The following ZNF521 variants were observed in gnomAD, a reference collection of about 807,000 sequenced individuals.
ZNF521 encodes the protein LYST-interacting protein 3.
In ZNF521, 14 loss-of-function variants were observed where a neutral mutation model predicts 105.5. That is an observed-to-expected ratio of 0.13 (90% confidence interval 0.09 to 0.21). The LOEUF (loss-of-function observed/expected upper bound fraction) is 0.21. Among genes scored for constraint, ZNF521 ranks in the 10% least tolerant of loss-of-function variants. The pLI is 1.00. For missense variants in ZNF521, 1,233 were observed against 1,629.7 expected, an observed-to-expected ratio of 0.76 and a Z score of 4.19; for synonymous variants, 635 against 606.0, an observed-to-expected ratio of 1.05 and a Z score of -0.70.
intron 3 of ZNF521, among the ~76,000 whole-genome samples, chr18:25,276,450 T>C (rs753580145): frequency 6.6e-6 from 1 of 152,210 alleles, no homozygotes; most frequent in African/African-American, 2.4e-5. Flanking sequence ...ATTTCCTTCC[T>C]ACACAACAGC....
chr18:25,198,853 G>A (rs1035089301), intron 4 of ZNF521, among the ~76,000 whole-genome samples: 9 of 151,910 alleles, frequency 5.9e-5, no homozygotes, highest in African/African-American at 2.2e-4. Flanking sequence ...ATTAATGGAT[G>A]CTGAAACTAG....
chr18:25,119,527 T>C (rs4493142), intron 5 of ZNF521, among the ~76,000 whole-genome samples: 144,784 of 152,044 alleles, frequency 0.95, 69,048 homozygotes, highest in Middle Eastern at 0.99. Context: ...TCTAGGAAAA[T>C]CTCAAATATT....
intron 3 of ZNF521, among the ~76,000 whole-genome samples, chr18:25,285,456 T>C (rs1910644343): frequency 6.6e-6 from 1 of 152,212 alleles, no homozygotes; most frequent in South Asian, 2.1e-4. Flanking sequence ...TGTTGACAGA[T>C]TGCTCAGTGA....
intron 5 of ZNF521, among the ~76,000 whole-genome samples, chr18:25,173,003 G>T (rs562863020): frequency 2.0e-5 from 3 of 152,312 alleles, no homozygotes; most frequent in Admixed American, 6.5e-5. Flanking sequence ...CGTAACTGAA[G>T]TACGCAAACG....
At chr18:25,273,237 AAAAAAAAAAAAAAAG>A (rs1909796462) in intron 3 of ZNF521, among the ~76,000 whole-genome samples, 1 of 148,590 alleles carries the variant, frequency 6.7e-6, no homozygotes, top group Non-Finnish European at 1.5e-5. Context: ...AAAAAAAAAA[AAAAAAAAAAAAAAAG>A]ACATTTTAAA....
intron 6 of ZNF521, among the ~76,000 whole-genome samples, chr18:25,089,825 G>C (rs556619975): frequency 5.9e-5 from 9 of 152,148 alleles, no homozygotes; most frequent in Middle Eastern, 3.4e-3. Flanking sequence ...TGGAGGCCCT[G>C]CTCCCTATAA....
intron 5 of ZNF521, among the ~76,000 whole-genome samples, chr18:25,109,602 T>G (rs1474024030): frequency 6.6e-6 from 1 of 152,204 alleles, no homozygotes; most frequent in Non-Finnish European, 1.5e-5. Flanking sequence ...TCTGCATCCT[T>G]GACAACATAT....
In ZNF521 at chr18:25,067,266, G is replaced by A. The variant is rs375564205; in HGVS notation, c.3907-4525C>T. ...CATCTAGGTATGATACCTTAATAGC[G>A]AGGTTTCAAAAACACTTTCTTTACT... On this transcript the variant is annotated intron_variant, in intron 7 of 7. Transcript: ENST00000361524. Among the ~76,000 whole-genome samples, 97 of 152,206 alleles carry A rather than the reference G, an allele frequency of 6.4e-4. 1 individual carries two copies. Among genetic ancestry groups the A allele is most frequent in the African/African-American group, 2.2e-3 (93 of 41,518 alleles).
intron 7 of ZNF521, among the ~76,000 whole-genome samples, chr18:25,075,919 A>G (rs1410198945): frequency 1.3e-5 from 2 of 152,252 alleles, no homozygotes; most frequent in African/African-American, 4.8e-5. Flanking sequence ...TGTGTGTCAG[A>G]ACACACATCA....
At chr18:25,294,171 A>C (rs1911191810) in intron 3 of ZNF521, among the ~76,000 whole-genome samples, 3 of 152,242 alleles carry the variant, frequency 2.0e-5, no homozygotes. Flanking sequence ...TCTCTTAAAG[A>C]GGAATTCACA....
intron 5 of ZNF521, among the ~76,000 whole-genome samples, chr18:25,182,384 C>G (rs1381825853): frequency 2.0e-5 from 3 of 152,150 alleles, no homozygotes; most frequent in Non-Finnish European, 4.4e-5. Flanking sequence ...TAGCATAAAG[C>G]AACTGAAGCA....
At chr18:25,269,477 C>G (rs1909495700) in intron 3 of ZNF521, among the ~76,000 whole-genome samples, 1 of 152,184 alleles carries the variant, frequency 6.6e-6, no homozygotes, top group Non-Finnish European at 1.5e-5. Context: ...ACCAAATCAA[C>G]AGAATATACA....
intron 3 of ZNF521, among the ~76,000 whole-genome samples, chr18:25,309,259 G>A (rs1912162336): frequency 1.3e-5 from 2 of 152,182 alleles, no homozygotes; most frequent in East Asian, 1.9e-4. Flanking sequence ...GAGAAGCTCC[G>A]CTTAGGTTTC....
At chr18:25,167,936 T>C (rs572633975) in intron 5 of ZNF521, among the ~76,000 whole-genome samples, 7 of 152,306 alleles carry the variant, frequency 4.6e-5, no homozygotes, top group Admixed American at 4.6e-4. Context: ...AGAAAATATG[T>C]ACAAGGATGA....
At chr18:25,140,713 T>C (rs1051162103) in intron 5 of ZNF521, among the ~76,000 whole-genome samples, 1 of 152,152 alleles carries the variant, frequency 6.6e-6, no homozygotes, top group South Asian at 2.1e-4. Flanking sequence ...CTTTAAGATA[T>C]AGCTCCCAAC....
chr18:25,348,246 T>C (rs1304135456), intron 2 of ZNF521, among the ~76,000 whole-genome samples: 1 of 152,170 alleles, frequency 6.6e-6, no homozygotes, highest in Non-Finnish European at 1.5e-5. Flanking sequence ...ACCTTCTGAA[T>C]GATATAATGG....
At position 25,071,376 on chromosome 18, in the gene ZNF521, T is replaced by C. The variant is rs182672298; in HGVS notation, c.3907-8635A>G. 2.9e-3 allele frequency among the ~76,000 whole-genome samples: 440 copies of C among 152,310 alleles called. 1 individual carries two copies. Among genetic ancestry groups the C allele is most frequent in the Non-Finnish European group, 4.5e-3 (308 of 68,014 alleles). On this transcript the variant is annotated intron_variant, in intron 7 of 7. Coordinates refer to ENST00000361524, the MANE Select transcript of ZNF521 (RefSeq NM_015461.3). ...ACTTATCAAGACCATCCATATACCATTGATGAACAAAGATGGTACGTTTTA... is the reference window on the plus strand; with the variant it reads ...ACTTATCAAGACCATCCATATACCACTGATGAACAAAGATGGTACGTTTTA...
At chr18:25,193,287 A>G (rs115807944) in intron 5 of ZNF521, among the ~76,000 whole-genome samples, 111 of 152,284 alleles carry the variant, frequency 7.3e-4, no homozygotes, top group Middle Eastern at 6.8e-3. Flanking sequence ...TGAACATTCA[A>G]TTGAAATTCT....
intron 5 of ZNF521, among the ~76,000 whole-genome samples, chr18:25,124,381 C>G (rs2034499634): frequency 6.6e-6 from 1 of 152,072 alleles, no homozygotes; most frequent in Non-Finnish European, 1.5e-5. Flanking sequence ...GCCACTGGGT[C>G]CTGCTTCAGA....
Sources: allele counts gnomAD v4.1 joint callset (sites outside exome capture counted in the v4.1 genomes callset), GRCh38; gene constraint gnomAD v4.1.1; transcripts MANE v1.5; gene names NCBI Gene and HGNC (gene_info 2026-07-23, HGNC 2026-07-21).